AGAP1: variants seen among roughly 807,000 people sequenced by gnomAD.
AGAP1 encodes the protein ArfGAP with GTPase domain, ankyrin repeat and PH domain 1, also known as arf-GAP with GTPase, ANK repeat and PH domain-containing protein 1.
A neutral mutation model predicts 105.3 loss-of-function variants in AGAP1; 29 were observed. The observed-to-expected ratio is 0.28, with a 90% confidence interval of 0.21 to 0.38. The LOEUF is 0.38. Among genes scored for constraint, AGAP1 ranks in the 10% least tolerant of loss-of-function variants. AGAP1 has a pLI of 1.00. For synonymous variants in AGAP1, 509 were observed against 485.9 expected (o/e 1.05, Z -0.63); for missense variants, 998 against 1,165.1 (o/e 0.86, Z 2.09).
intron 9 of AGAP1, among the ~76,000 whole-genome samples, chr2:235,849,849 C>A (rs1444601575): frequency 6.6e-6 from 1 of 152,216 alleles, no homozygotes; most frequent in South Asian, 2.1e-4. Flanking sequence ...GCCCAGTGCT[C>A]CTGTCCCCAT....
chr2:235,585,883 T>G (rs904593834), intron 1 of AGAP1, among the ~76,000 whole-genome samples: 3 of 152,080 alleles, frequency 2.0e-5, no homozygotes, highest in Admixed American at 6.5e-5. Context: ...TTGGAGCGCC[T>G]GGAGAGCACA....
intron 10 of AGAP1, among the ~76,000 whole-genome samples, chr2:235,884,860 ACAGCAGCAG>A (rs10526218): frequency 0.01 from 1,548 of 151,276 alleles, 32 homozygotes; most frequent in African/African-American, 0.036. Context: ...AGTAATAGTC[ACAGCAGCAG>A]CAGCAGCAGC....
Position 236,036,736 on chromosome 2 carries a change from A to T in AGAP1, c.1800+21A>T. ...ACAAGGTGAGGCCCCTGGCTGCCCA[A>T]AACCAAGGCTGGGGCTGCTCAGGGG... On this transcript the variant is annotated intron_variant, in intron 14 of 17. Transcript: ENST00000304032. The surrounding 1 kb of genome is among the most constrained non-coding windows in gnomAD (Gnocchi z 5.7). 6.2e-7 allele frequency: 1 copy of T among 1,613,876 alleles called. No individual in the cohort carries two copies. Among genetic ancestry groups the T allele is most frequent in the Non-Finnish European group, 8.5e-7 (1 of 1,179,914 alleles).
rs891910565 is a variant in AGAP1, at chr2:236,109,391, T to G, written c.2115-10801T>G. Among the ~76,000 whole-genome samples, 1 of 152,112 alleles carries G rather than the reference T, an allele frequency of 6.6e-6. No homozygotes were observed. The highest frequency in any genetic ancestry group is 2.4e-5 in the African/African-American group (1 of 41,436). On this transcript the variant is annotated intron_variant, in intron 16 of 17. Transcript: ENST00000304032. The surrounding 1 kb of genome is among the most constrained non-coding windows in gnomAD (Gnocchi z 5.4). ...CCTTTCTCTTCATTCTAAAATTCCA[T>G]GAATTATTATTCATCTTTGTAATTA...
rs1018856434 is a variant in AGAP1 at position 235,751,119 on chromosome 2, T to C, written c.673+631T>C. ...GAGGTTCTGCAAGAGGGTCACATAC[T>C]TGTGGATGATCATAGCGCCAGACGT... On this transcript the variant is annotated intron_variant, in intron 6 of 17. Transcript: ENST00000304032. The surrounding 1 kb of genome is among the most constrained non-coding windows in gnomAD (Gnocchi z 5.3). 7.9e-5 allele frequency among the ~76,000 whole-genome samples: 12 copies of C among 152,106 alleles called. No homozygotes were observed. Among genetic ancestry groups the C allele is most frequent in the Non-Finnish European group, 1.5e-4 (10 of 68,016 alleles).
rs201015842 is a variant in AGAP1, at chr2:235,796,282, A to ATCT, written c.674-1476_674-1474dup. Among the ~76,000 whole-genome samples the ATCT allele has an allele frequency of 3.4e-4, 52 of 152,360 alleles. No homozygotes were observed. The East Asian group carries it at 8.9e-3, about 26-fold the overall frequency. ...AAGATACCTAGACAACACATTTTGC[A>ATCT]TCTGTTGAAATCTTAGATTTTATTT... On this transcript the variant is annotated intron_variant, in intron 6 of 17. Transcript: ENST00000304032.
rs1260769544 is a variant in AGAP1, at chr2:235,664,557, A to C, written c.164-44622A>C. On this transcript the variant is annotated intron_variant, in intron 1 of 17. Transcript: ENST00000304032. The surrounding 1 kb of genome is among the most constrained non-coding windows in gnomAD (Gnocchi z 5.7). ...AAGTCACCTTTGCCTGACACTTAGC[A>C]AGAAAAACTACCAAGAAATATCTAA... Among the ~76,000 whole-genome samples the C allele has an allele frequency of 6.6e-6, 1 of 152,192 alleles. No homozygotes were observed. Among genetic ancestry groups the C allele is most frequent in the Non-Finnish European group, 1.5e-5 (1 of 68,040 alleles).
rs1952220123 is a variant in AGAP1, at chr2:235,735,903, A to G, written c.311-5060A>G. ...AAGAAGATGGGACCGCTGTATCCCC[A>G]AGTAGCTCGGGCGAGGTGAGAGCAC... On this transcript the variant is annotated intron_variant, in intron 3 of 17. Coordinates refer to ENST00000304032, the MANE Select transcript of AGAP1 (RefSeq NM_001037131.3). 2.0e-5 allele frequency among the ~76,000 whole-genome samples: 3 copies of G among 152,018 alleles called. No individual in the cohort carries two copies. The South Asian group carries it at 6.3e-4, about 32-fold the overall frequency.
At chr2:235,539,693 T>G (rs1355879758) in intron 1 of AGAP1, among the ~76,000 whole-genome samples, 1 of 152,030 alleles carries the variant, frequency 6.6e-6, no homozygotes, top group Non-Finnish European at 1.5e-5. Context: ...TCACCTCTCT[T>G]TTATCAGCCA....
chr2:235,759,362 GC>G (rs1686964161), intron 6 of AGAP1, among the ~76,000 whole-genome samples: 1 of 150,966 alleles, frequency 6.6e-6, no homozygotes, highest in African/African-American at 2.4e-5. Context: ...GTAGAGACGG[GC>G]TTTCACCGTG....
Position 235,744,381 on chromosome 2 carries a change from C to T in AGAP1, c.397-317C>T, listed in dbSNP as rs1480351493. 2.0e-5 allele frequency among the ~76,000 whole-genome samples: 3 copies of T among 152,090 alleles called. No individual in the cohort carries two copies. Among genetic ancestry groups the T allele is most frequent in the East Asian group, 1.9e-4 (1 of 5,178 alleles). ...TGTCTGCGGGGCCGCCTTGGCAGGT[C>T]GGGGCAGCGGGCGGACAGGCCAGGA... On this transcript the variant is annotated intron_variant, in intron 4 of 17. Coordinates refer to ENST00000304032, the MANE Select transcript of AGAP1 (RefSeq NM_001037131.3). The surrounding 1 kb of genome is among the most constrained non-coding windows in gnomAD (Gnocchi z 5.2).
At position 235,976,415 on chromosome 2, in the gene AGAP1, G is replaced by A. The variant is rs898643070; in HGVS notation, c.1645+7792G>A. On this transcript the variant is annotated intron_variant, in intron 13 of 17. Transcript: ENST00000304032. The surrounding 1 kb of genome is among the most constrained non-coding windows in gnomAD (Gnocchi z 4.5). ...CAGTAAGCGCTCTCAGATCCTTTGT[G>A]GAAGCCAGCAGGTCGGAAATAAACA... Among the ~76,000 whole-genome samples, 1 of 152,122 alleles carries A rather than the reference G, an allele frequency of 6.6e-6. No homozygotes were observed. The highest frequency in any genetic ancestry group is 2.4e-5 in the African/African-American group (1 of 41,440).
chr2:235,587,385 G>A (rs969067788), intron 1 of AGAP1, among the ~76,000 whole-genome samples: 1 of 152,142 alleles, frequency 6.6e-6, no homozygotes. Flanking sequence ...CTGGGATTCC[G>A]AGCTCAGGGC....
At chr2:235,602,087 G>C (rs1945749191) in intron 1 of AGAP1, among the ~76,000 whole-genome samples, 1 of 152,222 alleles carries the variant, frequency 6.6e-6, no homozygotes, top group African/African-American at 2.4e-5. Flanking sequence ...AGCAGGCACT[G>C]GCAAACTGCT....
rs1159313454 is a variant in AGAP1 at position 236,080,773 on chromosome 2, G to A, written c.2114+31492G>A. On this transcript the variant is annotated intron_variant, in intron 16 of 17. Transcript: ENST00000304032. The surrounding 1 kb of genome is among the most constrained non-coding windows in gnomAD (Gnocchi z 4.2). ...AGAGTCCATGCCCCTGTCTGTTCCA[G>A]CTTCTAGAAGCTGCTACTCATCTTG... Among the ~76,000 whole-genome samples the A allele has an allele frequency of 6.6e-6, 1 of 152,108 alleles. No homozygotes were observed. Among genetic ancestry groups the A allele is most frequent in the Non-Finnish European group, 1.5e-5 (1 of 68,026 alleles).
Position 235,960,538 on chromosome 2 carries a change from T to G in AGAP1, c.1484-7924T>G, listed in dbSNP as rs1302106968. On this transcript the variant is annotated intron_variant, in intron 12 of 17. Coordinates refer to ENST00000304032, the MANE Select transcript of AGAP1 (RefSeq NM_001037131.3). The surrounding 1 kb of genome is among the most constrained non-coding windows in gnomAD (Gnocchi z 4.9). ...GCAGGTGGGCGTGCGGACTCTTCCG[T>G]ACCTCACTTCTCCCTGCACCTGTGG... Among the ~76,000 whole-genome samples the G allele has an allele frequency of 6.6e-6, 1 of 152,126 alleles. No individual in the cohort carries two copies. Among genetic ancestry groups the G allele is most frequent in the African/African-American group, 2.4e-5 (1 of 41,444 alleles).
chr2:235,625,710 G>A lies in AGAP1; in HGVS notation c.164-83469G>A, dbSNP rs769610108. ...CATATTCAGCTGGGGGAAAATAGTC[G>A]TCTGAAATATATTATGGTTTGTTTG... On this transcript the variant is annotated intron_variant, in intron 1 of 17. Coordinates refer to ENST00000304032, the MANE Select transcript of AGAP1 (RefSeq NM_001037131.3). The surrounding 1 kb of genome is among the most constrained non-coding windows in gnomAD (Gnocchi z 4.0). Among the ~76,000 whole-genome samples, 6 of 152,124 alleles carry A rather than the reference G, an allele frequency of 3.9e-5. No individual in the cohort carries two copies. Among genetic ancestry groups the A allele is most frequent in the Admixed American group, 6.5e-5 (1 of 15,272 alleles).
At chr2:235,704,721 C>T (rs190670965) in intron 1 of AGAP1, among the ~76,000 whole-genome samples, 3 of 152,168 alleles carry the variant, frequency 2.0e-5, no homozygotes, top group African/African-American at 7.2e-5. Context: ...CTTTGCTAAG[C>T]GTCCCAGGTT....
chr2:235,499,347 C>T (rs1574689991), intron 1 of AGAP1, among the ~76,000 whole-genome samples: 1 of 152,308 alleles, frequency 6.6e-6, no homozygotes, highest in South Asian at 2.1e-4. Context: ...CATTTGTTTT[C>T]ATGTGGAAAT....
Sources: gnomAD v4.1 joint callset for allele counts (sites outside exome capture counted in the v4.1 genomes callset) on GRCh38, gnomAD v4.1.1 for gene constraint, Gnocchi (gnomAD v3.1) non-coding constraint, MANE v1.5 for transcripts, NCBI Gene and HGNC (gene_info 2026-07-23, HGNC 2026-07-21) for gene names.